Variants in PCP4L1 observed in about 807,000 individuals in gnomAD.
The protein encoded by PCP4L1 is Purkinje cell protein 4 like 1, also known as Purkinje cell protein 4-like protein 1.
In PCP4L1, 9 loss-of-function variants were observed where a neutral mutation model predicts 9.6. That is an observed-to-expected ratio of 0.94 (90% CI 0.57 to 1.64). The LOEUF is 1.64. Ranked by LOEUF, PCP4L1 falls within the 40% of genes most tolerant of loss-of-function variation. The probability of loss-of-function intolerance (pLI) is 0.00; values close to 1 mark genes in which losing one functional copy is unlikely to be tolerated. For missense variants in PCP4L1, 81 were observed against 80.8 expected (o/e 1.00, Z -0.01); for synonymous variants, 31 against 28.2 (o/e 1.10, Z -0.31).
intron 1 of PCP4L1, among the ~76,000 whole-genome samples, chr1:161,280,994 T>C (rs9699950): frequency 2.6e-5 from 4 of 152,160 alleles, no homozygotes; most frequent in Admixed American, 1.3e-4. Flanking sequence ...TGAGGCCTTC[T>C]GCAGTGTTTG....
intron 1 of PCP4L1, among the ~76,000 whole-genome samples, chr1:161,271,665 G>A (rs1192450636): frequency 4.6e-5 from 7 of 151,958 alleles, no homozygotes; most frequent in African/African-American, 7.3e-5. Flanking sequence ...CATGACGCCC[G>A]GCTAATTTTT....
At chr1:161,264,354 T>TA (rs1368515676) in intron 1 of PCP4L1, among the ~76,000 whole-genome samples, 2 of 151,716 alleles carry the variant, frequency 1.3e-5, no homozygotes, top group Non-Finnish European at 2.9e-5. Flanking sequence ...CCGTCTCTAT[T>TA]AAAACTACAA....
chr1:161,284,633 A>C lies in PCP4L1; in HGVS notation c.*152A>C. On this transcript the variant is annotated 3_prime_UTR_variant, in exon 3 of 3. Coordinates refer to ENST00000504449, the MANE Select transcript of PCP4L1 (RefSeq NM_001102566.2). ...TTGTATCTGGCCCCCTCAAGCCATCACAGAAGTAGAGGCACAAGAGAGGTG... is the reference window on the plus strand; with the variant it reads ...TTGTATCTGGCCCCCTCAAGCCATCCCAGAAGTAGAGGCACAAGAGAGGTG... 2 of 1,023,912 alleles carry C rather than the reference A, an allele frequency of 2.0e-6. No homozygotes were observed. Among genetic ancestry groups the C allele is most frequent in the Non-Finnish European group, 2.8e-6 (2 of 708,686 alleles). 63.4% of individuals were successfully genotyped at this position (1,023,912 alleles called of 1,614,324 possible). A position where few individuals can be genotyped will look rare whatever the true frequency, so the allele number is the denominator to read the frequency against.
chr1:161,283,612 C>A (rs1669858451), intron 1 of PCP4L1, 56 bp from the exon 2 acceptor site: 3 of 1,482,498 alleles, frequency 2.0e-6, no homozygotes, highest in Non-Finnish European at 9.2e-7. Context: ...GGTGATGATG[C>A]CTTCAAATTA....
chr1:161,272,506 C>T (rs1056822188), intron 1 of PCP4L1, among the ~76,000 whole-genome samples: 3 of 146,724 alleles, frequency 2.0e-5, no homozygotes, highest in Admixed American at 7.0e-5. Context: ...TGCAGTGAGC[C>T]GAGATCGTGC....
At chr1:161,278,387 TTTTC>T (rs144375912) in intron 1 of PCP4L1, among the ~76,000 whole-genome samples, 4 of 152,066 alleles carry the variant, frequency 2.6e-5, no homozygotes, top group South Asian at 2.1e-4. Flanking sequence ...TGTACCTCTA[TTTTC>T]TTTCTTTCTT....
chr1:161,270,580 A>AAAAAAAAAAAAGG (rs1669607357), intron 1 of PCP4L1, among the ~76,000 whole-genome samples: 1 of 149,252 alleles, frequency 6.7e-6, no homozygotes, highest in Non-Finnish European at 1.5e-5. Flanking sequence ...AAAAAAAAAA[A>AAAAAAAAAAAAGG]GAGAGACCCC....
chr1:161,275,387 G>A (rs922243170), intron 1 of PCP4L1, among the ~76,000 whole-genome samples: 18 of 151,802 alleles, frequency 1.2e-4, no homozygotes, highest in African/African-American at 4.4e-4. Flanking sequence ...GTGGTGGCGG[G>A]CGCCTGTAGT....
chr1:161,270,551 T>G (rs1349018899), intron 1 of PCP4L1, among the ~76,000 whole-genome samples: 3 of 69,320 alleles, frequency 4.3e-5, no homozygotes, highest in Non-Finnish European at 7.7e-5. Context: ...AGTACCCTTA[T>G]AAAAGAGACC....
At chr1:161,271,945 C>G (rs1194145056) in intron 1 of PCP4L1, among the ~76,000 whole-genome samples, 1 of 151,552 alleles carries the variant, frequency 6.6e-6, no homozygotes, top group Non-Finnish European at 1.5e-5. Context: ...GTAGCTGGGA[C>G]TACAGGTGCA....
At position 161,270,872 on chromosome 1, in the gene PCP4L1, C is replaced by T. The variant is rs1281643034; in HGVS notation, c.9+11889C>T. On this transcript the variant is annotated intron_variant, in intron 1 of 2. Coordinates refer to ENST00000504449, the MANE Select transcript of PCP4L1 (RefSeq NM_001102566.2). Reference sequence around the variant, plus strand: ...CCTGGTGATTGATAGAGGGAGACTCCGTCTAAAAAAAAAAAAAAAGAGACC... The same window carrying T: ...CCTGGTGATTGATAGAGGGAGACTCTGTCTAAAAAAAAAAAAAAAGAGACC... Among the ~76,000 whole-genome samples, 10 of 117,086 alleles carry T rather than the reference C, an allele frequency of 8.5e-5. 1 individual carries two copies. Among genetic ancestry groups the T allele is most frequent in the African/African-American group, 2.7e-4 (8 of 29,622 alleles). 76.8% of individuals were successfully genotyped at this position (117,086 alleles called of 152,430 possible). A position where few individuals can be genotyped will look rare whatever the true frequency, so the allele number is the denominator to read the frequency against.
At chr1:161,279,189 C>T (rs1669754243) in intron 1 of PCP4L1, among the ~76,000 whole-genome samples, 1 of 152,222 alleles carries the variant, frequency 6.6e-6, no homozygotes, top group Non-Finnish European at 1.5e-5. Flanking sequence ...CACACATTCA[C>T]ATATCTTATT....
At position 161,283,466 on chromosome 1, in the gene PCP4L1, C is replaced by T. The variant is rs916525156; in HGVS notation, c.10-202C>T. ...TTCTTTGTCTGTTTTGTCCTCTACA[C>T]TTTCTAGCATCAGTAAATCTTTGCT... On this transcript the variant is annotated intron_variant, in intron 1 of 2. Coordinates refer to ENST00000504449, the MANE Select transcript of PCP4L1 (RefSeq NM_001102566.2). Among the ~76,000 whole-genome samples the T allele has an allele frequency of 6.6e-6, 1 of 152,170 alleles. No homozygotes were observed. Among genetic ancestry groups the T allele is most frequent in the East Asian group, 1.9e-4 (1 of 5,202 alleles).
chr1:161,277,537 A>G (rs781308795), intron 1 of PCP4L1, among the ~76,000 whole-genome samples: 1 of 152,212 alleles, frequency 6.6e-6, no homozygotes, highest in Non-Finnish European at 1.5e-5. Flanking sequence ...TAAACAATAC[A>G]TATTATTTGG....
At chr1:161,267,685 G>A (rs541184105) in intron 1 of PCP4L1, among the ~76,000 whole-genome samples, 1 of 151,096 alleles carries the variant, frequency 6.6e-6, no homozygotes, top group Admixed American at 6.6e-5. Flanking sequence ...TGAATGTCTA[G>A]GTGCTTGCTA....
In PCP4L1 at chr1:161,284,287, G is replaced by T. The variant is rs1462305079; in HGVS notation, c.65-52G>T. ...CACTGTATTGGGGGCCTGGAGAAAG[G>T]GTCTAGAGCAGGTCAGATTAACTCA... On this transcript the variant is annotated intron_variant, in intron 2 of 2. Coordinates refer to ENST00000504449, the MANE Select transcript of PCP4L1 (RefSeq NM_001102566.2). The T allele has an allele frequency of 3.7e-6, 6 of 1,613,212 alleles. No individual in the cohort carries two copies. The Admixed American group carries it at 6.7e-5, about 18-fold the overall frequency.
At chr1:161,274,413 T>C (rs767343937) in intron 1 of PCP4L1, among the ~76,000 whole-genome samples, 11 of 151,988 alleles carry the variant, frequency 7.2e-5, no homozygotes, top group Non-Finnish European at 1.5e-4. Flanking sequence ...TTGTGATCCA[T>C]ACCTGGCTAG....
At chr1:161,272,646 G>GAC (rs1669642571) in intron 1 of PCP4L1, among the ~76,000 whole-genome samples, 1 of 151,328 alleles carries the variant, frequency 6.6e-6, no homozygotes, top group African/African-American at 2.4e-5. Context: ...AATGGTAGTT[G>GAC]GAAAAGAAAT....
At chr1:161,267,868 A>G (rs1427686956) in intron 1 of PCP4L1, among the ~76,000 whole-genome samples, 2 of 152,118 alleles carry the variant, frequency 1.3e-5, no homozygotes, top group African/African-American at 4.8e-5. Flanking sequence ...GCCCACCACC[A>G]TGCCCGGCTA....
Sources: allele counts gnomAD v4.1 joint callset (sites outside exome capture counted in the v4.1 genomes callset), GRCh38; gene constraint gnomAD v4.1.1; transcripts MANE v1.5; gene names NCBI Gene and HGNC (gene_info 2026-07-23, HGNC 2026-07-21).